VIPR2: variants seen among roughly 807,000 people sequenced by gnomAD.
VIPR2 encodes vasoactive intestinal polypeptide receptor 2.
A neutral mutation model predicts 58.0 loss-of-function variants in VIPR2; 48 were observed. The ratio of observed to expected loss-of-function variants is 0.83; its 90% CI spans 0.66 to 1.05. VIPR2 has a LOEUF of 1.05. VIPR2 is among the 50% of genes least tolerant of loss of function. VIPR2 has a pLI of 0.00. For missense variants in VIPR2, 534 were observed against 558.0 expected, an observed-to-expected ratio of 0.96 and a Z score of 0.43; for synonymous variants, 243 against 235.2, an observed-to-expected ratio of 1.03 and a Z score of -0.30.
chr7:159,062,214 A>G (rs1233641031), intron 4 of VIPR2, among the ~76,000 whole-genome samples: 2 of 152,162 alleles, frequency 1.3e-5, no homozygotes, highest in East Asian at 3.9e-4. Context: ...GTTCAGCCTG[A>G]GCCCCGGCAA....
intron 4 of VIPR2, among the ~76,000 whole-genome samples, chr7:159,063,231 G>A (rs372162128): frequency 1.3e-5 from 2 of 151,772 alleles, no homozygotes; most frequent in Admixed American, 1.3e-4. Context: ...AGTCCACGGC[G>A]GGGTGGGGGG....
chr7:159,144,086 G>T (rs1449914714), intron 1 of VIPR2, among the ~76,000 whole-genome samples: 1 of 152,248 alleles, frequency 6.6e-6, no homozygotes, highest in African/African-American at 2.4e-5. Flanking sequence ...CAAGAGGAAA[G>T]CAAGAAACAA....
intron 4 of VIPR2, among the ~76,000 whole-genome samples, chr7:159,064,838 C>T (rs769245325): frequency 2.0e-5 from 3 of 152,200 alleles, no homozygotes; most frequent in Non-Finnish European, 4.4e-5. Flanking sequence ...GCAGAGGCCT[C>T]GCCTAGAGGC....
intron 4 of VIPR2, among the ~76,000 whole-genome samples, chr7:159,075,295 AC>A (rs1178532645): frequency 6.6e-6 from 1 of 152,214 alleles, no homozygotes; most frequent in Non-Finnish European, 1.5e-5. Flanking sequence ...TTGTTGAAAC[AC>A]CTCAGCACAT....
chr7:159,057,645 T>C (rs1190234750), intron 5 of VIPR2, among the ~76,000 whole-genome samples: 1 of 152,198 alleles, frequency 6.6e-6, no homozygotes, highest in Non-Finnish European at 1.5e-5. Context: ...TAGTGATTGA[T>C]ACATAGAATA....
At position 159,097,129 on chromosome 7, in the gene VIPR2, C is replaced by T. The variant is rs1857908534; in HGVS notation, c.357+6628G>A. The T allele has an allele frequency of 4.7e-6, 7 of 1,477,790 alleles. 1 individual carries two copies. The highest frequency in any genetic ancestry group is 3.6e-6 in the Non-Finnish European group (4 of 1,106,550). The allele number at this position is 1,477,790 out of a possible 1,614,324, so 91.5% of individuals were successfully genotyped here. ...GGTTGGCGGGATGATCAGATGGTGC[C>T]TCCCACAAAGGCATCTGCAGTGCCA... On this transcript the variant is annotated intron_variant, in intron 4 of 12. Transcript: ENST00000262178. This position sits in a 1 kb window ranked among gnomAD's most constrained non-coding sequence, Gnocchi z 5.3.
chr7:159,058,166 A>G (rs1487327199), intron 5 of VIPR2, among the ~76,000 whole-genome samples: 3 of 152,212 alleles, frequency 2.0e-5, no homozygotes, highest in African/African-American at 7.2e-5. Context: ...GCCAAAACAC[A>G]GGAGCTTCTG....
rs1239572591 is a variant in VIPR2 at position 159,033,741 on chromosome 7, G to A, written c.971+472C>T. 2.6e-5 allele frequency among the ~76,000 whole-genome samples: 4 copies of A among 152,164 alleles called. No individual in the cohort carries two copies. In the South Asian group the frequency reaches 6.2e-4, roughly 24 times the overall value. On this transcript the variant is annotated intron_variant, in intron 10 of 12. Coordinates refer to ENST00000262178, the MANE Select transcript of VIPR2 (RefSeq NM_003382.5). ...CACACGGCCATGGACACATGGCCAT[G>A]TCTGAGGGGGAGACAGAATTAAATG...
chr7:159,111,295 C>G (rs1241399711), intron 2 of VIPR2, among the ~76,000 whole-genome samples: 1 of 152,198 alleles, frequency 6.6e-6, no homozygotes, highest in Admixed American at 6.5e-5. Flanking sequence ...AAGTTCTGTC[C>G]ATCTCCTATA....
At chr7:159,062,513 G>A (rs1269171461) in intron 4 of VIPR2, among the ~76,000 whole-genome samples, 1 of 152,010 alleles carries the variant, frequency 6.6e-6, no homozygotes, top group Non-Finnish European at 1.5e-5. Context: ...CAGCTCTTAA[G>A]GCGGCCCCTC....
At chr7:159,077,338 A>G (rs1052059260) in intron 4 of VIPR2, among the ~76,000 whole-genome samples, 3 of 148,508 alleles carry the variant, frequency 2.0e-5, no homozygotes, top group African/African-American at 7.8e-5. Context: ...TTGAGGTATT[A>G]TAGTGTACCT....
intron 4 of VIPR2, chr7:159,059,122 G>T (rs796853869): frequency 8.3e-5 from 34 of 411,528 alleles, no homozygotes; most frequent in African/African-American, 6.7e-4. Context: ...TCCATGGCTT[G>T]ATACTTTTAA....
Position 159,032,028 on chromosome 7 carries a change from G to C in VIPR2, c.1011C>G (p.Phe337Leu), listed in dbSNP as rs1252326339. ...AKSTLLLIPL[F>L]GVHYMVFAVF... is the part of the protein sequence containing the mutation. ...CGGCAAACACCATGTAGTGGACGCC[G>C]AACAGCGGGATAAGCAGGAGCGTGG... Residue 337 changes from phenylalanine to leucine, a missense_variant, in exon 11 of 13, where the codon TTC (phenylalanine) becomes TTG (leucine). Phe to Leu is a conservative substitution (Grantham distance 22, BLOSUM62 0). Around this residue, in one of 3 missense-constraint regions of VIPR2, gnomAD observed 306 missense variants for 285.8 expected, o/e 1.07. Coordinates refer to ENST00000262178, the MANE Select transcript of VIPR2 (RefSeq NM_003382.5). 6.2e-7 allele frequency: 1 copy of C among 1,613,982 alleles called. No homozygotes were observed. The highest frequency in any genetic ancestry group is 8.5e-7 in the Non-Finnish European group (1 of 1,180,042).
chr7:159,082,118 T>A (rs1225235679), intron 4 of VIPR2, among the ~76,000 whole-genome samples: 1 of 152,236 alleles, frequency 6.6e-6, no homozygotes, highest in Non-Finnish European at 1.5e-5. Flanking sequence ...TTACTGGGTA[T>A]ATACCCAAAG....
intron 2 of VIPR2, among the ~76,000 whole-genome samples, chr7:159,114,384 A>G (rs1796155269): frequency 6.6e-6 from 1 of 151,954 alleles, no homozygotes; most frequent in African/African-American, 2.4e-5. Flanking sequence ...GAAACAAAGG[A>G]TTTGCAGATG....
chr7:159,130,523 C>T (rs1796860348), intron 2 of VIPR2, among the ~76,000 whole-genome samples: 1 of 152,162 alleles, frequency 6.6e-6, no homozygotes, highest in Admixed American at 6.5e-5. Flanking sequence ...TGTAGCCCCA[C>T]CCAGAAGTGA....
chr7:159,132,894 AGACAGAATGATTGGCATACAG>A (rs1797012587), intron 2 of VIPR2, among the ~76,000 whole-genome samples: 2 of 138,660 alleles, frequency 1.4e-5, no homozygotes, highest in African/African-American at 5.2e-5. Flanking sequence ...GATTGATTTC[AGACAGAATGATTGGCATACAG>A]ATTGATTTCA....
At chr7:159,130,299 C>T (rs140035494) in intron 2 of VIPR2, among the ~76,000 whole-genome samples, 5 of 152,250 alleles carry the variant, frequency 3.3e-5, no homozygotes, top group East Asian at 3.9e-4. Context: ...GAGAGACCAC[C>T]GGGCTAGGGA....
chr7:159,046,446 G>GC (rs1854656027), intron 5 of VIPR2, among the ~76,000 whole-genome samples: 1 of 152,184 alleles, frequency 6.6e-6, no homozygotes, highest in African/African-American at 2.4e-5. Context: ...AAAGACACCA[G>GC]TCACAAAAGG....
Sources: allele counts gnomAD v4.1 joint callset (sites outside exome capture counted in the v4.1 genomes callset), GRCh38; gene constraint gnomAD v4.1.1; regional missense constraint gnomAD v4.1.1; non-coding constraint Gnocchi (gnomAD v3.1); transcripts MANE v1.5; gene names NCBI Gene and HGNC (gene_info 2026-07-23, HGNC 2026-07-21).